The following DOCK4 variants were observed in gnomAD, a reference collection of about 807,000 sequenced individuals.
DOCK4 encodes dedicator of cytokinesis 4.
DOCK4 carries 97 observed loss-of-function variants against 268.1 expected under a neutral mutation model. The observed-to-expected ratio is 0.36, with a 90% CI of 0.31 to 0.43. The LOEUF (loss-of-function observed/expected upper bound fraction) is 0.43, where lower values mean the gene tolerates loss of function less well. Among genes scored for constraint, DOCK4 ranks in the 20% least tolerant of loss-of-function variants. The pLI, the probability that DOCK4 is intolerant of heterozygous loss-of-function variation, is 1.00. For missense variants in DOCK4, 2,145 were observed against 2,455.7 expected (o/e 0.87, Z 2.67); for synonymous variants, 954 against 887.2 (o/e 1.08, Z -1.34).
intron 36 of DOCK4, among the ~76,000 whole-genome samples, chr7:111,776,511 T>C (rs1025924854): frequency 1.3e-5 from 2 of 152,002 alleles, no homozygotes; most frequent in Admixed American, 1.3e-4. Context: ...GAAGAGAAGT[T>C]GAACAAAAAT....
rs183502989 is a variant in DOCK4, at chr7:111,898,931, C to T, written c.1480+1443G>A. On this transcript the variant is annotated intron_variant, in intron 15 of 52. Coordinates refer to ENST00000428084, the MANE Select transcript of DOCK4 (RefSeq NM_001363540.2). ...CCTCCAAATGCTCTTTCTCTCTTTC[C>T]CCACTATTTCACCTTTATTTTCTCT... Among the ~76,000 whole-genome samples, 648 of 152,268 alleles carry T rather than the reference C, an allele frequency of 4.3e-3. 8 individuals carry two copies. The highest frequency in any genetic ancestry group is 0.015 in the African/African-American group (619 of 41,552).
intron 26 of DOCK4, among the ~76,000 whole-genome samples, chr7:111,823,278 C>A (rs559481645): frequency 8.1e-4 from 117 of 144,742 alleles, no homozygotes; most frequent in African/African-American, 3.0e-3. Flanking sequence ...GTGATCTCGG[C>A]TCACTGCAAC....
At chr7:111,760,369 A>G in intron 39 of DOCK4, 47 bp from the exon 40 acceptor site, 1 of 1,575,988 alleles carries the variant, frequency 6.3e-7, no homozygotes, top group Non-Finnish European at 8.6e-7. Context: ...AACTGAGTGG[A>G]TTACAGACAG....
intron 1 of DOCK4, among the ~76,000 whole-genome samples, chr7:112,133,160 GGA>G (rs781468558): frequency 4.6e-5 from 7 of 152,146 alleles, no homozygotes; most frequent in Non-Finnish European, 7.4e-5. Context: ...AGTGTTTTGA[GGA>G]GAGGTGACAG....
chr7:112,000,948 C>T (rs1437191626), intron 2 of DOCK4, among the ~76,000 whole-genome samples: 1 of 152,158 alleles, frequency 6.6e-6, no homozygotes, highest in African/African-American at 2.4e-5. Flanking sequence ...CACAAGATTT[C>T]ATACATTTCC....
intron 1 of DOCK4, among the ~76,000 whole-genome samples, chr7:112,079,951 T>C (rs1275305660): frequency 6.6e-6 from 1 of 152,188 alleles, no homozygotes; most frequent in African/African-American, 2.4e-5. Context: ...CTTACTTTCC[T>C]ATTTCAGATT....
intron 1 of DOCK4, among the ~76,000 whole-genome samples, chr7:112,087,306 C>A (rs1314149040): frequency 2.0e-5 from 3 of 152,104 alleles, no homozygotes; most frequent in East Asian, 3.9e-4. Flanking sequence ...CTAGGTAATA[C>A]ATACCCCTGT....
chr7:112,083,596 A>C (rs553355653), intron 1 of DOCK4, among the ~76,000 whole-genome samples: 1 of 152,220 alleles, frequency 6.6e-6, no homozygotes, highest in African/African-American at 2.4e-5. Flanking sequence ...CCAAACATCC[A>C]AAATAGCTAT....
In DOCK4 at chr7:111,765,145, A is replaced by G. The variant is rs996143366; in HGVS notation, c.3993T>C (p.Tyr1331=). The G allele has an allele frequency of 1.3e-5, 20 of 1,536,038 alleles. No homozygotes were observed. The highest frequency in any genetic ancestry group is 1.7e-5 in the Non-Finnish European group (20 of 1,144,550). The change falls in exon 39 of 53, where the codon TAT becomes TAC. Residue 1331 remains tyrosine, a synonymous_variant. Transcript: ENST00000428084. ...TTAAGAAAAATGGAAATTTTTTTCC[A>G]TAAAATCCAACTCTGAAGAACTCTG... ...LEPEFFRVGF[Y]GKKFPFFLRN...
intron 8 of DOCK4, among the ~76,000 whole-genome samples, chr7:111,961,665 G>A (rs147216183): frequency 6.8e-4 from 103 of 152,304 alleles, no homozygotes; most frequent in Middle Eastern, 3.4e-3. Flanking sequence ...CAAGGCTCGT[G>A]CTTCAAGGGG....
intron 1 of DOCK4, among the ~76,000 whole-genome samples, chr7:112,089,188 C>T (rs1364925555): frequency 6.6e-6 from 1 of 151,920 alleles, no homozygotes; most frequent in Non-Finnish European, 1.5e-5. Context: ...GTGTGACTTG[C>T]ATTTCATTTT....
chr7:111,846,599 C>T (rs1352273820), intron 24 of DOCK4, among the ~76,000 whole-genome samples: 2 of 150,704 alleles, frequency 1.3e-5, no homozygotes, highest in African/African-American at 5.0e-5. Flanking sequence ...GGACCCGGCC[C>T]AAGGACCACA....
At chr7:111,837,430 C>G (rs189696357) in intron 25 of DOCK4, among the ~76,000 whole-genome samples, 203 of 152,260 alleles carry the variant, frequency 1.3e-3, no homozygotes, top group Non-Finnish European at 2.3e-3. Flanking sequence ...AAAAGGCAAT[C>G]AGGAATACAG....
intron 1 of DOCK4, among the ~76,000 whole-genome samples, chr7:112,148,631 A>T (rs1414989776): frequency 6.6e-6 from 1 of 152,150 alleles, no homozygotes; most frequent in Non-Finnish European, 1.5e-5. Flanking sequence ...AATTGAAGGA[A>T]ATGCTAAATT....
chr7:111,910,381 G>A lies in DOCK4; in HGVS notation c.1192+5398C>T, dbSNP rs1791993982. On this transcript the variant is annotated intron_variant, in intron 13 of 52. Transcript: ENST00000428084. ...GTTTAGAGTTGGGCTGTCCAACAGG[G>A]TGACCACTGCCACATGTGGCAATGG... Among the ~76,000 whole-genome samples, 3 of 152,182 alleles carry A rather than the reference G, an allele frequency of 2.0e-5. No individual in the cohort carries two copies. In the South Asian group the frequency reaches 6.2e-4, roughly 32 times the overall value.
In DOCK4 at chr7:111,742,083, TGA is replaced by T; in HGVS notation, c.4725_4726del (p.Gln1576ArgfsTer11). On this transcript the variant is annotated frameshift_variant, in exon 45 of 53. Coordinates refer to ENST00000428084, the MANE Select transcript of DOCK4 (RefSeq NM_001363540.2). LOFTEE classifies it high-confidence loss of function. ...CTTTTTGTGAAGGGGTCTCATATCT[TGA>T]GGTACAAACTTCTCATGCACGGCCA... 1 of 1,606,856 alleles carries T rather than the reference TGA, an allele frequency of 6.2e-7. No homozygotes were observed. The highest frequency in any genetic ancestry group is 8.5e-7 in the Non-Finnish European group (1 of 1,177,390).
chr7:112,123,058 A>G, intron 1 of DOCK4, among the ~76,000 whole-genome samples: 1 of 152,238 alleles, frequency 6.6e-6, no homozygotes, highest in East Asian at 1.9e-4. Context: ...TAGAGTCAGA[A>G]GCTTCTATGC....
intron 45 of DOCK4, 122 bp downstream of exon 45, chr7:111,741,890 TG>T: frequency 1.5e-6 from 2 of 1,364,402 alleles, no homozygotes; most frequent in Non-Finnish European, 2.0e-6. Flanking sequence ...GAGGGCTCCC[TG>T]GTAAAACAGT....
At chr7:112,191,996 ATATAT>A (rs968608412) in intron 1 of DOCK4, among the ~76,000 whole-genome samples, 1 of 148,212 alleles carries the variant, frequency 6.7e-6, no homozygotes, top group Non-Finnish European at 1.5e-5. Flanking sequence ...CTTAAATATT[ATATAT>A]TATATAGTAT....
Sources: allele counts gnomAD v4.1 joint callset (sites outside exome capture counted in the v4.1 genomes callset), GRCh38; gene constraint gnomAD v4.1.1; transcripts MANE v1.5; gene names NCBI Gene and HGNC (gene_info 2026-07-23, HGNC 2026-07-21).